Variants in MPP7 observed in about 807,000 individuals in gnomAD.
The protein encoded by MPP7 is MAGUK p55 scaffold protein 7.
In MPP7, 60 loss-of-function variants were observed where a neutral mutation model predicts 76.5. That is an observed-to-expected ratio of 0.78 (90% CI 0.64 to 0.97). MPP7 has a LOEUF of 0.97. Ranked by LOEUF, MPP7 falls within the 50% of genes least tolerant of loss-of-function variation. MPP7 has a pLI of 0.00. For missense variants in MPP7, 641 were observed against 694.0 expected (o/e 0.92, Z 0.86); for synonymous variants, 237 against 244.5 (o/e 0.97, Z 0.29).
chr10:28,060,304 C>T (rs1362167976), intron 13 of MPP7, among the ~76,000 whole-genome samples: 1 of 152,150 alleles, frequency 6.6e-6, no homozygotes, highest in Non-Finnish European at 1.5e-5. Flanking sequence ...AACTTCTAAC[C>T]TTTCAGTAAT....
intron 1 of MPP7, among the ~76,000 whole-genome samples, chr10:28,256,883 T>A (rs1839803955): frequency 6.6e-6 from 1 of 152,198 alleles, no homozygotes; most frequent in Admixed American, 6.5e-5. Flanking sequence ...ATAAGTCATC[T>A]TCCCCCATGC....
intron 3 of MPP7, among the ~76,000 whole-genome samples, chr10:28,172,338 T>G (rs1201343727): frequency 1.3e-5 from 2 of 152,188 alleles, no homozygotes; most frequent in Non-Finnish European, 2.9e-5. Flanking sequence ...TTAAAAACAG[T>G]CAGACACTAT....
chr10:28,324,837 A>G (rs1416571439), intron 2 of MPP7, among the ~76,000 whole-genome samples: 11 of 152,302 alleles, frequency 7.2e-5, no homozygotes, highest in Admixed American at 7.2e-4. Flanking sequence ...CTAGGAGATC[A>G]GTTATTAGCC....
chr10:28,213,579 G>A (rs1283970354), intron 2 of MPP7, among the ~76,000 whole-genome samples: 1 of 151,988 alleles, frequency 6.6e-6, no homozygotes, highest in Non-Finnish European at 1.5e-5. Context: ...CAGATCAAGA[G>A]GTCAGGAGTT....
chr10:28,234,756 AAGATTGTC>A (rs1197878082), intron 2 of MPP7, among the ~76,000 whole-genome samples: 1 of 152,140 alleles, frequency 6.6e-6, no homozygotes, highest in Non-Finnish European at 1.5e-5. Context: ...CAAAACTCTC[AAGATTGTC>A]AAAATCAAGG....
At chr10:28,258,071 G>A (rs995701011) in intron 1 of MPP7, among the ~76,000 whole-genome samples, 17 of 151,780 alleles carry the variant, frequency 1.1e-4, no homozygotes, top group Admixed American at 8.5e-4. Context: ...TATTTATGCA[G>A]CTATTATTTC....
At chr10:28,292,708 G>A (rs919473916) in intron 1 of MPP7, among the ~76,000 whole-genome samples, 2 of 152,056 alleles carry the variant, frequency 1.3e-5, no homozygotes. Context: ...AACACAGGAG[G>A]GAGTCATTCT....
intron 1 of MPP7, among the ~76,000 whole-genome samples, chr10:28,272,210 C>T (rs1840348239): frequency 6.6e-6 from 1 of 152,124 alleles, no homozygotes. Flanking sequence ...TTCAGCCAAA[C>T]TAAAATGCAC....
rs775763967 is a variant in MPP7 at position 28,095,222 on chromosome 10, T to TATATATATATAC, written c.953-5382_953-5381insGTATATATATAT. Among the ~76,000 whole-genome samples the TATATATATATAC allele has an allele frequency of 1.7e-3, 234 of 136,656 alleles. 3 individuals carry two copies. The highest frequency in any genetic ancestry group is 0.013 in the South Asian group (53 of 4,238). 89.7% of individuals were successfully genotyped at this position (136,656 alleles called of 152,430 possible). A position where few individuals can be genotyped will look rare whatever the true frequency, so the allele number is the denominator to read the frequency against. ...ATATATATATATATATATATATATA[T>TATATATATATAC]ACAGAAACATATATACATGTACAGA... On this transcript the variant is annotated intron_variant, in intron 11 of 16. Coordinates refer to ENST00000683449, the MANE Select transcript of MPP7 (RefSeq NM_001318170.2).
chr10:28,268,811 C>T (rs7092295), intron 1 of MPP7, among the ~76,000 whole-genome samples: 13 of 150,494 alleles, frequency 8.6e-5, no homozygotes, highest in African/African-American at 2.4e-4. Flanking sequence ...ACCAGCTACT[C>T]GGGAGGCTGA....
In MPP7 at chr10:28,092,599, G is replaced by C. The variant is rs149143190; in HGVS notation, c.953-2758C>G. Among the ~76,000 whole-genome samples the C allele has an allele frequency of 0.021, 1,544 of 74,588 alleles. 49 individuals carry two copies. The East Asian group carries it at 0.49, about 23-fold the overall frequency. The allele number at this position is 74,588 out of a possible 152,430, so 48.9% of individuals were successfully genotyped here. ...GACCTTTTTTTTTTTTTGAGACAGGGACTGGCTCTGTTGCCCAGGCTGGAG... is the reference window on the plus strand; with the variant it reads ...GACCTTTTTTTTTTTTTGAGACAGGCACTGGCTCTGTTGCCCAGGCTGGAG... On this transcript the variant is annotated intron_variant, in intron 11 of 16. Transcript: ENST00000683449.
At chr10:28,322,431 A>G (rs952772825) in intron 2 of MPP7, among the ~76,000 whole-genome samples, 1 of 152,240 alleles carries the variant, frequency 6.6e-6, no homozygotes, top group Non-Finnish European at 1.5e-5. Context: ...AAGGATCAGA[A>G]GATTTGCACA....
intron 1 of MPP7, among the ~76,000 whole-genome samples, chr10:28,278,542 G>A (rs907455867): frequency 3.0e-4 from 46 of 151,618 alleles, no homozygotes; most frequent in African/African-American, 9.8e-4. Context: ...ATGTCATCTG[G>A]TCTCTATATC....
Position 28,324,326 on chromosome 10 carries a change from T to A in MPP7, c.-132+5603A>T, listed in dbSNP as rs187186163. On this transcript the variant is annotated intron_variant, in intron 2 of 11. Coordinates refer to the MPP7 transcript ENST00000441595. Reference sequence around the variant, plus strand: ...CGCCTTGATCTTGGACTTCCCAGTCTCTATAACTGCAAGAAAGAAATTTCT... The same window carrying A: ...CGCCTTGATCTTGGACTTCCCAGTCACTATAACTGCAAGAAAGAAATTTCT... Among the ~76,000 whole-genome samples the A allele has an allele frequency of 3.3e-5, 5 of 152,344 alleles. No individual in the cohort carries two copies. In the East Asian group the frequency reaches 9.6e-4, roughly 29 times the overall value.
rs1344381556 is a variant in MPP7 at position 28,052,977 on chromosome 10, TAA to T, written c.*1086_*1087del. Reference sequence around the variant, plus strand: ...AGAACCCATCTAAATATTTACAATATAAGAGTCTTTCCTAAACTTCTTTAACA... The same window carrying T: ...AGAACCCATCTAAATATTTACAATATGAGTCTTTCCTAAACTTCTTTAACA... On this transcript the variant is annotated 3_prime_UTR_variant, in exon 17 of 17. Coordinates refer to ENST00000683449, the MANE Select transcript of MPP7 (RefSeq NM_001318170.2). 1 of 152,192 alleles carries T rather than the reference TAA, an allele frequency of 6.6e-6. No individual in the cohort carries two copies. Among genetic ancestry groups the T allele is most frequent in the East Asian group, 1.9e-4 (1 of 5,202 alleles). The allele number at this position is 152,192 out of a possible 1,614,324, so 9.4% of individuals were successfully genotyped here.
chr10:28,202,239 G>C lies in MPP7; in HGVS notation c.70C>G (p.Gln24Glu), dbSNP rs1389909250. 1 of 1,613,352 alleles carries C rather than the reference G, an allele frequency of 6.2e-7. No individual in the cohort carries two copies. Among genetic ancestry groups the C allele is most frequent in the South Asian group, 1.1e-5 (1 of 91,018 alleles). Reference sequence around the variant, plus strand: ...TGGCTATCCACATGTGGCTGCAGCTGGGCTGGCAGAGCAGCCAACAGCTCA... The same window carrying C: ...TGGCTATCCACATGTGGCTGCAGCTCGGCTGGCAGAGCAGCCAACAGCTCA... ...LYELLAALPA[Q>E]LQPHVDSQED... The change falls in exon 3 of 17, where the codon CAG (glutamine) becomes GAG (glutamate). Residue 24 changes from glutamine to glutamate, a missense_variant. By Grantham distance (29) the Gln-to-Glu change is conservative. Coordinates refer to ENST00000683449, the MANE Select transcript of MPP7 (RefSeq NM_001318170.2).
intron 2 of MPP7, among the ~76,000 whole-genome samples, chr10:28,204,544 T>C (rs1218596666): frequency 6.6e-6 from 1 of 151,906 alleles, no homozygotes; most frequent in Admixed American, 6.6e-5. Context: ...GGTCAAAGGA[T>C]TGTACCAATG....
chr10:28,193,205 T>C (rs892571267), intron 3 of MPP7, among the ~76,000 whole-genome samples: 6 of 145,990 alleles, frequency 4.1e-5, no homozygotes, highest in Non-Finnish European at 7.4e-5. Context: ...TTTTGTTTGG[T>C]TGGTTTTTTG....
At position 28,119,671 on chromosome 10, in the gene MPP7, T is replaced by G. The variant is rs1834767913; in HGVS notation, c.932A>C (p.Lys311Thr). 1 of 1,613,730 alleles carries G rather than the reference T, an allele frequency of 6.2e-7. No individual in the cohort carries two copies. Among genetic ancestry groups the G allele is most frequent in the Non-Finnish European group, 8.5e-7 (1 of 1,179,742 alleles). The part of the protein sequence containing the change: ...RRPEILVQPL[K>T]VSNRKSSGFR... ...CTTACATGATTTCCTGTTGGAAACT[T>G]TCAGGGGCTGAACCAATATTTCTGG... is the stretch of plus-strand genomic sequence containing the variant. Residue 311 changes from lysine to threonine, a missense_variant, in exon 11 of 17, where the codon AAA becomes ACA. Coordinates refer to ENST00000683449, the MANE Select transcript of MPP7 (RefSeq NM_001318170.2).
Sources: gnomAD v4.1 joint callset for allele counts (sites outside exome capture counted in the v4.1 genomes callset) on GRCh38, gnomAD v4.1.1 for gene constraint, MANE v1.5 for transcripts, NCBI Gene and HGNC (gene_info 2026-07-23, HGNC 2026-07-21) for gene names.